The following ROS1 variants were observed in gnomAD, a reference collection of about 807,000 sequenced individuals.
ROS1 encodes ROS proto-oncogene 1, receptor tyrosine kinase.
A neutral mutation model predicts 273.5 loss-of-function variants in ROS1; 263 were observed. The observed-to-expected ratio is 0.96, with a 90% CI of 0.87 to 1.06. The LOEUF (loss-of-function observed/expected upper bound fraction) is 1.06. Ranked by LOEUF, ROS1 falls within the 50% of genes least tolerant of loss-of-function variation. The pLI, the probability that ROS1 is intolerant of heterozygous loss-of-function variation, is 0.00. For missense variants in ROS1, 2,833 were observed against 2,751.1 expected (o/e 1.03, Z -0.67); for synonymous variants, 1,008 against 954.1 (o/e 1.06, Z -1.04).
Position 117,383,454 on chromosome 6 carries a change from G to C in ROS1, c.2344C>G (p.Leu782Val). The C allele has an allele frequency of 1.2e-6, 2 of 1,614,076 alleles. No individual in the cohort carries two copies. The highest frequency in any genetic ancestry group is 1.7e-6 in the Non-Finnish European group (2 of 1,179,944). ...GHTDIVTHVK[L>V]LVNDMVVDSV... Reference sequence around the variant, plus strand: ...TCCACCACCATGTCATTCACCAATAGCTTCACGTGGGTAACAATGTCTGTG... The same window carrying C: ...TCCACCACCATGTCATTCACCAATACCTTCACGTGGGTAACAATGTCTGTG... The change falls in exon 17 of 44, where the codon CTA becomes GTA. Residue 782 changes from leucine to valine, a missense_variant. Transcript: ENST00000368507.
At chr6:117,361,609 C>T (rs1407180) in intron 22 of ROS1, among the ~76,000 whole-genome samples, 73,674 of 148,606 alleles carry the variant, frequency 0.5, 19,561 homozygotes, top group Non-Finnish European at 0.61. Flanking sequence ...ACACTTAACC[C>T]GAATATTATT....
chr6:117,350,027 G>A (rs1239335854), intron 27 of ROS1, among the ~76,000 whole-genome samples: 1 of 151,588 alleles, frequency 6.6e-6, no homozygotes, highest in African/African-American at 2.4e-5. Context: ...TATCCATTAG[G>A]TCAGTTAAGA....
chr6:117,294,451 C>T (rs527796388), intron 43 of ROS1, among the ~76,000 whole-genome samples: 37 of 152,224 alleles, frequency 2.4e-4, no homozygotes, highest in African/African-American at 8.9e-4. Context: ...CCTTGCATCC[C>T]AGGGATAAAT....
intron 5 of ROS1, among the ~76,000 whole-genome samples, chr6:117,408,262 C>T: frequency 6.8e-6 from 1 of 146,116 alleles, no homozygotes; most frequent in Admixed American, 6.7e-5. Context: ...AAACTACCAT[C>T]AGACTGAACA....
chr6:117,297,968 C>G (rs1296230353), intron 43 of ROS1, among the ~76,000 whole-genome samples: 1 of 152,080 alleles, frequency 6.6e-6, no homozygotes, highest in Non-Finnish European at 1.5e-5. Flanking sequence ...ATGAGATCAA[C>G]CTAGTATCTA....
At chr6:117,352,893 A>G in intron 27 of ROS1, 97 bp downstream of exon 27, 2 of 1,102,614 alleles carry the variant, frequency 1.8e-6, no homozygotes, top group Non-Finnish European at 2.7e-6. Context: ...GAGCACAACA[A>G]AGGGGCTAAA....
chr6:117,409,672 G>C (rs1262789386), intron 4 of ROS1, 30 bp from the exon 5 acceptor site: 1 of 1,596,366 alleles, frequency 6.3e-7, no homozygotes, highest in Admixed American at 1.7e-5. Flanking sequence ...TGACAGTCAG[G>C]GCAGCCTTGA....
rs146280016 is a variant in ROS1, at chr6:117,337,215, C to T, written c.5187G>A (p.Thr1729=). 3.1e-6 allele frequency: 5 copies of T among 1,612,294 alleles called. No individual in the cohort carries two copies. Among genetic ancestry groups the T allele is most frequent in the Non-Finnish European group, 4.2e-6 (5 of 1,179,078 alleles). Residue 1729 remains threonine, a synonymous_variant, in exon 32 of 44, where the codon ACG becomes ACA. Transcript: ENST00000368507. The part of the protein sequence containing the change: ...YNVRVVVVYK[T]GENSTSLPES... ...CTGGAAGTGAGGTGCTATTTTCTCC[C>T]GTCTTATAAACCACCACTACTCTGA...
chr6:117,378,933 C>T, intron 18 of ROS1, 126 bp downstream of exon 18: 1 of 624,088 alleles, frequency 1.6e-6, no homozygotes, highest in Non-Finnish European at 2.8e-6. Flanking sequence ...CCTACAAGCC[C>T]AATGCCTGCA....
At chr6:117,346,488 T>G (rs1019283135) in intron 27 of ROS1, among the ~76,000 whole-genome samples, 4 of 152,104 alleles carry the variant, frequency 2.6e-5, no homozygotes, top group African/African-American at 9.7e-5. Flanking sequence ...CTCTTGGGAC[T>G]TCATTTTGGA....
At position 117,353,370 on chromosome 6, in the gene ROS1, G is replaced by A. The variant is rs1453066984; in HGVS notation, c.4127-204C>T. Among the ~76,000 whole-genome samples, 3 of 152,092 alleles carry A rather than the reference G, an allele frequency of 2.0e-5. No homozygotes were observed. The East Asian group carries it at 5.8e-4, about 29-fold the overall frequency. On this transcript the variant is annotated intron_variant, in intron 26 of 43. Transcript: ENST00000368507. Reference sequence around the variant, plus strand: ...TTTTAGCACCATATCAAGCCAATCAGGTAACTACTATTATTACTAACCTCA... The same window carrying A: ...TTTTAGCACCATATCAAGCCAATCAAGTAACTACTATTATTACTAACCTCA...
rs540388425 is a variant in ROS1, at chr6:117,338,158, G to A, written c.5062-818C>T. On this transcript the variant is annotated intron_variant, in intron 31 of 43. Transcript: ENST00000368507. ...TGGCAATTTGTCAGGGGTTCTTGGT[G>A]TATTTTCCCTGTAGAGTTTCATAAA... Among the ~76,000 whole-genome samples the A allele has an allele frequency of 1.8e-4, 27 of 152,114 alleles. No individual in the cohort carries two copies. In the South Asian group the frequency reaches 5.6e-3, roughly 32 times the overall value.
At chr6:117,320,124 G>T (rs2128559495) in intron 36 of ROS1, 94 bp from the exon 37 acceptor site, 4 of 1,077,882 alleles carry the variant, frequency 3.7e-6, no homozygotes, top group Middle Eastern at 2.5e-4. Context: ...GAGAGAGAAA[G>T]AAATATCTCA....
intron 14 of ROS1, 51 bp from the exon 15 acceptor site, chr6:117,387,050 T>A: frequency 1.0e-6 from 1 of 994,254 alleles, no homozygotes; most frequent in Non-Finnish European, 1.6e-6. Flanking sequence ...GCAAACTCTT[T>A]AAAGGTATCT....
At chr6:117,421,643 AT>A (rs1015699164) in intron 1 of ROS1, among the ~76,000 whole-genome samples, 2 of 152,028 alleles carry the variant, frequency 1.3e-5, no homozygotes, top group African/African-American at 4.8e-5. Flanking sequence ...TATATATCAC[AT>A]TTTTTTATCC....
At chr6:117,305,945 T>A (rs1775062948) in intron 42 of ROS1, among the ~76,000 whole-genome samples, 1 of 152,066 alleles carries the variant, frequency 6.6e-6, no homozygotes, top group Admixed American at 6.6e-5. Flanking sequence ...AAAATACTCA[T>A]TATACTTGAA....
intron 34 of ROS1, among the ~76,000 whole-genome samples, chr6:117,324,731 C>G (rs577701375): frequency 3.5e-4 from 54 of 152,164 alleles, no homozygotes; most frequent in African/African-American, 1.2e-3. Context: ...AAATCTCAGT[C>G]TTTGGATACT....
At chr6:117,313,241 C>A (rs890808748) in intron 39 of ROS1, among the ~76,000 whole-genome samples, 4 of 152,146 alleles carry the variant, frequency 2.6e-5, no homozygotes, top group Non-Finnish European at 4.4e-5. Flanking sequence ...TTGTTTGTTT[C>A]GCTTTTTTCT....
At chr6:117,385,072 T>A (rs1772450162) in intron 16 of ROS1, among the ~76,000 whole-genome samples, 1 of 152,212 alleles carries the variant, frequency 6.6e-6, no homozygotes, top group Non-Finnish European at 1.5e-5. Context: ...CCTAGCCCTG[T>A]GCACACCTTT....
Sources: gnomAD v4.1 joint callset for allele counts (sites outside exome capture counted in the v4.1 genomes callset) on GRCh38, gnomAD v4.1.1 for gene constraint, MANE v1.5 for transcripts, NCBI Gene and HGNC (gene_info 2026-07-23, HGNC 2026-07-21) for gene names.